IL21R: variants seen among roughly 807,000 people sequenced by gnomAD.
The protein encoded by IL21R is interleukin-21 receptor.
Under a neutral mutation model 41.3 loss-of-function variants are expected in IL21R, and 14 were observed. The ratio of observed to expected loss-of-function variants is 0.34; its 90% CI spans 0.22 to 0.53. The LOEUF (loss-of-function observed/expected upper bound fraction) is 0.53. Among genes scored for constraint, IL21R ranks in the 20% least tolerant of loss-of-function variants. IL21R has a pLI of 0.94. For synonymous variants in IL21R, 286 were observed against 287.6 expected, an observed-to-expected ratio of 0.99 and a Z score of 0.05; for missense variants, 588 against 681.6, an observed-to-expected ratio of 0.86 and a Z score of 1.53.
chr16:27,406,607 G>C (rs563177508), intron 1 of IL21R, among the ~76,000 whole-genome samples: 1 of 151,878 alleles, frequency 6.6e-6, no homozygotes, highest in Admixed American at 6.6e-5. Context: ...TCTCACCTTC[G>C]TCTTCTACTG....
Position 27,433,635 on chromosome 16 carries a change from ATGT to A in IL21R, c.50-710_50-708del, listed in dbSNP as rs1190180581. On this transcript the variant is annotated intron_variant, in intron 2 of 8. Coordinates refer to ENST00000337929, the MANE Select transcript of IL21R (RefSeq NM_181078.3). The stretch of plus-strand genomic sequence containing the variant: ...GTTTTAGAACACAGCGAAACAATTA[ATGT>A]TTGGGGAGCAGGATGGAAAGGTGTT... Among the ~76,000 whole-genome samples the A allele has an allele frequency of 5.3e-5, 8 of 152,310 alleles. No homozygotes were observed. In the East Asian group the frequency reaches 1.3e-3, roughly 26 times the overall value.
chr16:27,445,906 T>C (rs1225030094), intron 7 of IL21R, 101 bp from the exon 8 acceptor site: 1 of 839,860 alleles, frequency 1.2e-6, no homozygotes, highest in Non-Finnish European at 1.8e-6. Context: ...AGTCTTGGGA[T>C]GCTCGGAAGC....
intron 1 of IL21R, among the ~76,000 whole-genome samples, chr16:27,409,635 G>A (rs1381093645): frequency 6.6e-6 from 1 of 151,956 alleles, no homozygotes; most frequent in African/African-American, 2.4e-5. Context: ...TCTCTCCACT[G>A]CCTTGCACTG....
At chr16:27,427,820 A>G (rs2087104200) in intron 1 of IL21R, among the ~76,000 whole-genome samples, 1 of 152,170 alleles carries the variant, frequency 6.6e-6, no homozygotes, top group Non-Finnish European at 1.5e-5. Context: ...TCAAAGTGTG[A>G]TAACAGGACC....
At chr16:27,404,842 G>C (rs949270175) in intron 1 of IL21R, among the ~76,000 whole-genome samples, 1 of 152,104 alleles carries the variant, frequency 6.6e-6, no homozygotes, top group African/African-American at 2.4e-5. Context: ...ATAGGAATAA[G>C]AATGCCTGTC....
intron 8 of IL21R, among the ~76,000 whole-genome samples, chr16:27,446,308 T>C (rs1172027410): frequency 6.6e-6 from 1 of 152,146 alleles, no homozygotes; most frequent in Non-Finnish European, 1.5e-5. Context: ...TTTGACCAGG[T>C]GTGGTGGCTG....
intron 1 of IL21R, among the ~76,000 whole-genome samples, chr16:27,414,887 C>T (rs143176976): frequency 0.014 from 2,056 of 152,190 alleles, 42 homozygotes; most frequent in African/African-American, 0.047. Context: ...TACTAACTTG[C>T]TATAACATGT....
chr16:27,417,792 C>T (rs751190002), intron 1 of IL21R, among the ~76,000 whole-genome samples: 16 of 151,944 alleles, frequency 1.1e-4, no homozygotes, highest in Non-Finnish European at 1.5e-4. Flanking sequence ...TATGAAAAAA[C>T]GGCACACCTG....
At chr16:27,415,881 G>C (rs945419532) in intron 1 of IL21R, among the ~76,000 whole-genome samples, 9 of 152,184 alleles carry the variant, frequency 5.9e-5, no homozygotes, top group Non-Finnish European at 1.2e-4. Context: ...ACTTACAAAA[G>C]TGCCTTGACC....
chr16:27,420,164 A>G (rs1483906548), intron 1 of IL21R, among the ~76,000 whole-genome samples: 1 of 152,220 alleles, frequency 6.6e-6, no homozygotes, highest in East Asian at 1.9e-4. Flanking sequence ...TGCTGGGATT[A>G]CAGGCGTGAG....
In IL21R at chr16:27,448,842, C is replaced by T. The variant is rs1248464488; in HGVS notation, c.1176C>T (p.Cys392=). The change falls in exon 9 of 9, where the codon TGC becomes TGT. Residue 392 remains cysteine, a synonymous_variant. Coordinates refer to ENST00000337929, the MANE Select transcript of IL21R (RefSeq NM_181078.3). ...CAGAGGGGCCATGCACCTGGCCCTG[C>T]AGCTGTGAGGATGACGGCTACCCAG... The part of the protein sequence containing the change: ...LDAEGPCTWP[C]SCEDDGYPAL... 1.2e-6 allele frequency: 2 copies of T among 1,613,062 alleles called. No homozygotes were observed. The highest frequency in any genetic ancestry group is 1.3e-5 in the African/African-American group (1 of 74,936).
intron 1 of IL21R, among the ~76,000 whole-genome samples, chr16:27,423,901 G>T (rs1325998456): frequency 3.3e-5 from 5 of 152,146 alleles, no homozygotes; most frequent in Admixed American, 2.6e-4. Flanking sequence ...ATTAGGTCAT[G>T]CCAAACTTTT....
chr16:27,438,814 G>C (rs768556947), intron 4 of IL21R, among the ~76,000 whole-genome samples: 3 of 152,244 alleles, frequency 2.0e-5, no homozygotes, highest in Non-Finnish European at 4.4e-5. Flanking sequence ...AGGTTGCAAT[G>C]AGCCAAGATC....
Position 27,412,010 on chromosome 16 carries a change from C to G in IL21R, c.-17+9392C>G, listed in dbSNP as rs957584365. ...GTTATCACACACAAGAAATCATTGCCCATTCCAATTTCACGAAGATTTTCC... is the reference window on the plus strand; with the variant it reads ...GTTATCACACACAAGAAATCATTGCGCATTCCAATTTCACGAAGATTTTCC... On this transcript the variant is annotated intron_variant, in intron 1 of 8. Coordinates refer to ENST00000337929, the MANE Select transcript of IL21R (RefSeq NM_181078.3). Among the ~76,000 whole-genome samples the G allele has an allele frequency of 2.6e-5, 4 of 152,130 alleles. No homozygotes were observed. The East Asian group carries it at 7.7e-4, about 29-fold the overall frequency.
chr16:27,447,075 A>C lies in IL21R; in HGVS notation c.867+987A>C, dbSNP rs367866797. On this transcript the variant is annotated intron_variant, in intron 8 of 8. Coordinates refer to ENST00000337929, the MANE Select transcript of IL21R (RefSeq NM_181078.3). ...ATTCACAGCAGCCCCTGCAGAGTGG[A>C]TGTTCCACTGCCCCCAGGGCACCCA... is the stretch of plus-strand genomic sequence containing the variant. Among the ~76,000 whole-genome samples, 57 of 151,488 alleles carry C rather than the reference A, an allele frequency of 3.8e-4. 1 individual carries two copies. Among genetic ancestry groups the C allele is most frequent in the African/African-American group, 1.2e-3 (51 of 40,826 alleles).
intron 3 of IL21R, 93 bp downstream of exon 3, chr16:27,434,542 T>C (rs894082670): frequency 3.8e-6 from 3 of 785,246 alleles, no homozygotes; most frequent in Non-Finnish European, 6.4e-6. Context: ...TGAGGACCAC[T>C]GTGTCCGCCT....
chr16:27,423,110 G>C (rs971345331), intron 1 of IL21R, among the ~76,000 whole-genome samples: 1 of 151,982 alleles, frequency 6.6e-6, no homozygotes, highest in East Asian at 1.9e-4. Flanking sequence ...TTTTTGCTAA[G>C]TTTCTTGGCA....
chr16:27,427,535 A>G (rs1185863338), intron 1 of IL21R, among the ~76,000 whole-genome samples: 1 of 152,172 alleles, frequency 6.6e-6, no homozygotes, highest in Non-Finnish European at 1.5e-5. Flanking sequence ...AGCTGGGACC[A>G]CAGGCACACA....
In IL21R at chr16:27,434,426, C is replaced by G. The variant is rs1181839251; in HGVS notation, c.129C>G (p.His43Gln). 6.2e-7 allele frequency: 1 copy of G among 1,612,962 alleles called. No individual in the cohort carries two copies. Among genetic ancestry groups the G allele is most frequent in the Admixed American group, 1.7e-5 (1 of 60,016 alleles). Residue 43 changes from histidine to glutamine, a missense_variant, in exon 3 of 9, where the codon CAC (histidine) becomes CAG (glutamine). Coordinates refer to ENST00000337929, the MANE Select transcript of IL21R (RefSeq NM_181078.3). The part of the protein sequence containing the change: ...VICILEMWNL[H>Q]PSTLTLTWQD... ...GCATCCTGGAAATGTGGAACCTCCA[C>G]CCCAGCACGCTCACCCTTACCTGGT...
Sources: allele counts gnomAD v4.1 joint callset (sites outside exome capture counted in the v4.1 genomes callset), GRCh38; gene constraint gnomAD v4.1.1; transcripts MANE v1.5; gene names NCBI Gene and HGNC (gene_info 2026-07-23, HGNC 2026-07-21).